The following ADAMTS16 variants were observed in gnomAD, a reference collection of about 807,000 sequenced individuals.
ADAMTS16 encodes the protein ADAM metallopeptidase with thrombospondin type 1 motif 16.
In ADAMTS16, 94 loss-of-function variants were observed where a neutral mutation model predicts 145.8. The ratio of observed to expected loss-of-function variants is 0.64; its 90% confidence interval spans 0.55 to 0.77. ADAMTS16 has a LOEUF of 0.77. Among genes scored for constraint, ADAMTS16 ranks in the 30% least tolerant of loss-of-function variants. The pLI is 0.00. For missense variants in ADAMTS16, 1,585 were observed against 1,591.5 expected (o/e 1.00, Z 0.07); for synonymous variants, 659 against 604.3 (o/e 1.09, Z -1.33).
At chr5:5,318,077 T>C (rs1734126637) in intron 21 of ADAMTS16, 57 bp from the exon 22 acceptor site, 4 of 1,304,022 alleles carry the variant, frequency 3.1e-6, no homozygotes, top group East Asian at 3.0e-5. Flanking sequence ...CACACTGAGG[T>C]TGACCAGGTG....
chr5:5,240,354 A>G (rs1246036023), intron 16 of ADAMTS16, among the ~76,000 whole-genome samples: 1 of 152,230 alleles, frequency 6.6e-6, no homozygotes, highest in African/African-American at 2.4e-5. Flanking sequence ...CCTGTGTCAC[A>G]GCATTGACCT....
At chr5:5,278,520 G>T (rs1240765429) in intron 18 of ADAMTS16, among the ~76,000 whole-genome samples, 1 of 152,182 alleles carries the variant, frequency 6.6e-6, no homozygotes, top group African/African-American at 2.4e-5. Flanking sequence ...CTTCTTACAT[G>T]TATAAAATGT....
Position 5,319,183 on chromosome 5 carries a change from G to T in ADAMTS16, c.*45G>T, listed in dbSNP as rs977654451. 1.4e-6 allele frequency: 2 copies of T among 1,421,068 alleles called. No individual in the cohort carries two copies. Among genetic ancestry groups the T allele is most frequent in the Admixed American group, 3.8e-5 (2 of 53,326 alleles). The allele number at this position is 1,421,068 out of a possible 1,614,324, so 88.0% of individuals were successfully genotyped here. A position where few individuals can be genotyped will look rare whatever the true frequency, so the allele number is the denominator to read the frequency against. ...GCAGAGAAAGTGCCTGCGTGGCACA[G>T]AAATTTCCCACAAATGAGCTGTGCA... On this transcript the variant is annotated 3_prime_UTR_variant, in exon 23 of 23. Transcript: ENST00000274181.
intron 17 of ADAMTS16, among the ~76,000 whole-genome samples, chr5:5,256,657 C>T (rs1405731415): frequency 6.6e-6 from 1 of 152,196 alleles, no homozygotes; most frequent in African/African-American, 2.4e-5. Context: ...GTTTCTATTT[C>T]AAAGCAAAAC....
intron 18 of ADAMTS16, among the ~76,000 whole-genome samples, chr5:5,274,206 A>G (rs758174669): frequency 6.6e-6 from 1 of 152,164 alleles, no homozygotes; most frequent in Non-Finnish European, 1.5e-5. Flanking sequence ...ACATGGACAC[A>G]TCCCTATCAC....
At chr5:5,302,412 C>T (rs565455084) in intron 18 of ADAMTS16, among the ~76,000 whole-genome samples, 17 of 152,200 alleles carry the variant, frequency 1.1e-4, no homozygotes, top group African/African-American at 2.4e-4. Flanking sequence ...AATAATCATA[C>T]GAGAAAGGAG....
rs1289094346 is a variant in ADAMTS16, at chr5:5,320,290, A to C, written c.*1152A>C. ...TTGCTGAAGTTTTATAATAAAGTTT[A>C]TATGGTACAGTGTGCTTCTGAACTA... On this transcript the variant is annotated 3_prime_UTR_variant, in exon 23 of 23. Coordinates refer to ENST00000274181, the MANE Select transcript of ADAMTS16 (RefSeq NM_139056.4). This position sits in a 1 kb window ranked among gnomAD's most constrained non-coding sequence, Gnocchi z 5.1. The C allele has an allele frequency of 4.2e-6, 1 of 240,154 alleles. No homozygotes were observed. Among genetic ancestry groups the C allele is most frequent in the Non-Finnish European group, 8.0e-6 (1 of 125,216 alleles). The allele number at this position is 240,154 out of a possible 1,614,324, so 14.9% of individuals were successfully genotyped here.
At chr5:5,245,456 G>A (rs902589371) in intron 17 of ADAMTS16, among the ~76,000 whole-genome samples, 2 of 152,170 alleles carry the variant, frequency 1.3e-5, no homozygotes, top group African/African-American at 4.8e-5. Context: ...ATTCCCAAAG[G>A]AAAAGGGAAA....
chr5:5,238,985 G>T (rs945001119), intron 14 of ADAMTS16, among the ~76,000 whole-genome samples, 166 bp from the exon 15 acceptor site: 1 of 152,184 alleles, frequency 6.6e-6, no homozygotes, highest in African/African-American at 2.4e-5. Flanking sequence ...TAACACTGTA[G>T]CCCCGCTGTG....
At chr5:5,316,121 A>G (rs1734047634) in intron 21 of ADAMTS16, among the ~76,000 whole-genome samples, 1 of 152,164 alleles carries the variant, frequency 6.6e-6, no homozygotes. Flanking sequence ...GAGGTCCCAG[A>G]AAGGTTCAGT....
At chr5:5,252,926 G>A (rs537690880) in intron 17 of ADAMTS16, among the ~76,000 whole-genome samples, 23 of 152,154 alleles carry the variant, frequency 1.5e-4, no homozygotes, top group Middle Eastern at 3.4e-3. Flanking sequence ...TTCTCCACTG[G>A]TGCTCTTTAT....
At chr5:5,251,980 A>G (rs975110222) in intron 17 of ADAMTS16, among the ~76,000 whole-genome samples, 2 of 152,062 alleles carry the variant, frequency 1.3e-5, no homozygotes, top group African/African-American at 4.8e-5. Context: ...CCTCCCGAGT[A>G]GCTGGGACTA....
chr5:5,284,851 C>T (rs1739049188), intron 18 of ADAMTS16, among the ~76,000 whole-genome samples: 1 of 151,922 alleles, frequency 6.6e-6, no homozygotes, highest in African/African-American at 2.4e-5. Context: ...TCTTTTTTCC[C>T]AACTCATTCT....
At chr5:5,254,213 T>C (rs559043873) in intron 17 of ADAMTS16, among the ~76,000 whole-genome samples, 1 of 152,276 alleles carries the variant, frequency 6.6e-6, no homozygotes, top group South Asian at 2.1e-4. Context: ...TTCTAGTCCT[T>C]TCTTTTCCCC....
At chr5:5,215,825 TATATATATGTG>T (rs55667515) in intron 10 of ADAMTS16, among the ~76,000 whole-genome samples, 20,595 of 111,932 alleles carry the variant, frequency 0.18, 2,388 homozygotes, top group East Asian at 0.53. Flanking sequence ...ATATATGTGG[TATATATATGTG>T]GTGTGTATAT....
At chr5:5,278,089 T>A (rs1360116348) in intron 18 of ADAMTS16, among the ~76,000 whole-genome samples, 1 of 152,218 alleles carries the variant, frequency 6.6e-6, no homozygotes, top group Non-Finnish European at 1.5e-5. Flanking sequence ...ACATCTATTA[T>A]TTCAGTGAAC....
At chr5:5,217,859 G>A (rs1056430160) in intron 10 of ADAMTS16, among the ~76,000 whole-genome samples, 2 of 152,116 alleles carry the variant, frequency 1.3e-5, no homozygotes, top group East Asian at 1.9e-4. Flanking sequence ...TGTCTTCATC[G>A]TGTACCTATC....
At chr5:5,303,853 C>G in intron 20 of ADAMTS16, 87 bp downstream of exon 20, 4 of 1,419,864 alleles carry the variant, frequency 2.8e-6, no homozygotes, top group South Asian at 2.6e-5. Context: ...CTTCTCACTT[C>G]TCTCTCTTCT....
chr5:5,271,009 A>C (rs1738451152), intron 18 of ADAMTS16, among the ~76,000 whole-genome samples: 1 of 152,146 alleles, frequency 6.6e-6, no homozygotes, highest in Non-Finnish European at 1.5e-5. Context: ...GTGTGATCTG[A>C]TGTTTCATGT....
Sources: allele counts gnomAD v4.1 joint callset (sites outside exome capture counted in the v4.1 genomes callset), GRCh38; gene constraint gnomAD v4.1.1; non-coding constraint Gnocchi (gnomAD v3.1); transcripts MANE v1.5; gene names NCBI Gene and HGNC (gene_info 2026-07-23, HGNC 2026-07-21).